HTT: variants seen among roughly 807,000 people sequenced by gnomAD.
HTT encodes the protein huntingtin.
HTT carries 104 observed loss-of-function variants against 362.3 expected under a neutral mutation model. The observed-to-expected ratio is 0.29, with a 90% confidence interval of 0.24 to 0.34. The LOEUF (loss-of-function observed/expected upper bound fraction) is 0.34. HTT is among the 10% of genes least tolerant of loss of function. The pLI is 1.00. For missense variants in HTT, 3,301 were observed against 3,928.6 expected (o/e 0.84, Z 4.27); for synonymous variants, 1,577 against 1,548.7 (o/e 1.02, Z -0.43).
chr4:3,101,002 C>T (rs567628163), intron 3 of HTT, among the ~76,000 whole-genome samples: 2 of 152,250 alleles, frequency 1.3e-5, no homozygotes, highest in East Asian at 3.9e-4. Flanking sequence ...GTGCTGGGAT[C>T]ACAGGTGTGA....
intron 26 of HTT, among the ~76,000 whole-genome samples, chr4:3,149,826 G>T (rs921915223): frequency 6.6e-6 from 1 of 152,158 alleles, no homozygotes; most frequent in African/African-American, 2.4e-5. Flanking sequence ...GGCTCTCTTG[G>T]CCTGGACCCT....
chr4:3,192,191 C>T (rs1312634065), intron 40 of HTT, among the ~76,000 whole-genome samples: 2 of 152,204 alleles, frequency 1.3e-5, no homozygotes, highest in South Asian at 2.1e-4. Flanking sequence ...CTTCCTGCCT[C>T]AGCCTTCTAA....
Position 3,140,603 on chromosome 4 carries a change from T to G in HTT, c.2892T>G (p.Leu964=), listed in dbSNP as rs1367182115. The change falls in exon 22 of 67, where the codon CTT becomes CTG. Residue 964 remains leucine, a synonymous_variant. Coordinates refer to ENST00000355072, the MANE Select transcript of HTT (RefSeq NM_001388492.1). ...ATCAAAGCAGTGTTTACCTGAAACT[T>G]CTCATGCATGAGACGCAGCCTCCAT... is the stretch of plus-strand genomic sequence containing the variant. ...ARDQSSVYLK[L]LMHETQPPSH... The G allele has an allele frequency of 6.2e-7, 1 of 1,614,176 alleles. No homozygotes were observed. Among genetic ancestry groups the G allele is most frequent in the East Asian group, 2.2e-5 (1 of 44,884 alleles).
intron 35 of HTT, among the ~76,000 whole-genome samples, chr4:3,179,735 A>G (rs1372815912): frequency 1.3e-5 from 2 of 148,628 alleles, no homozygotes; most frequent in Non-Finnish European, 3.0e-5. Context: ...CTGAGGGGTC[A>G]GAGTGTGCCT....
intron 26 of HTT, among the ~76,000 whole-genome samples, chr4:3,148,870 T>C (rs762642604): frequency 8.6e-5 from 13 of 151,866 alleles, no homozygotes; most frequent in Middle Eastern, 3.4e-3. Context: ...GGCAAGAGAG[T>C]TGCTTGAACC....
chr4:3,203,784 TG>T (rs1719707042), intron 41 of HTT, among the ~76,000 whole-genome samples: 1 of 152,274 alleles, frequency 6.6e-6, no homozygotes, highest in Non-Finnish European at 1.5e-5. Flanking sequence ...TTTAATTTTC[TG>T]CCTGTTAAAT....
chr4:3,148,010 G>A lies in HTT; in HGVS notation c.3301G>A (p.Ala1101Thr). 1 of 1,611,662 alleles carries A rather than the reference G, an allele frequency of 6.2e-7. No homozygotes were observed. Among genetic ancestry groups the A allele is most frequent in the Non-Finnish European group, 8.5e-7 (1 of 1,178,924 alleles). Residue 1101 changes from alanine to threonine, a missense_variant, in exon 26 of 67, where the codon GCT becomes ACT. By Grantham distance (58) the Ala-to-Thr change is moderately conservative (BLOSUM62 0). This residue lies in a region of HTT where 2,316 missense variants were observed against 2,658.5 expected (regional missense o/e 0.87). Transcript: ENST00000355072. ...TGTCTGTGCCCATATCACAGCCAGT[G>A]CTCCCAAATCTCTGAGAAGTTCATG... ...ILAGNLLAAS[A>T]PKSLRSSWAS... is the part of the protein sequence containing the mutation.
At chr4:3,165,898 A>G (rs1717678986) in intron 29 of HTT, among the ~76,000 whole-genome samples, 1 of 152,030 alleles carries the variant, frequency 6.6e-6, no homozygotes, top group Admixed American at 6.5e-5. Context: ...CGACCTTCTG[A>G]AGCCTACTTC....
intron 24 of HTT, 152 bp from the exon 25 acceptor site, chr4:3,146,645 G>A: frequency 1.5e-6 from 1 of 674,034 alleles, no homozygotes; most frequent in Non-Finnish European, 2.6e-6. Flanking sequence ...CTGATTTATA[G>A]GAAAGATGTT....
At position 3,215,220 on chromosome 4, in the gene HTT, C is replaced by G; in HGVS notation, c.7054+9C>G. ...AGATCCAAACACACAGAGTAAGTCTCAGGACCCATTTTTTTCTTACATGTT... is the reference window on the plus strand; with the variant it reads ...AGATCCAAACACACAGAGTAAGTCTGAGGACCCATTTTTTTCTTACATGTT... On this transcript the variant is annotated intron_variant, in intron 51 of 66. Coordinates refer to ENST00000355072, the MANE Select transcript of HTT (RefSeq NM_001388492.1). 1 of 1,602,094 alleles carries G rather than the reference C, an allele frequency of 6.2e-7. No individual in the cohort carries two copies. The highest frequency in any genetic ancestry group is 1.1e-5 in the South Asian group (1 of 90,540).
chr4:3,208,609 G>A (rs982250923), intron 45 of HTT, among the ~76,000 whole-genome samples, 164 bp from the exon 46 acceptor site: 1 of 151,928 alleles, frequency 6.6e-6, no homozygotes, highest in African/African-American at 2.4e-5. Flanking sequence ...GAAGATAGCT[G>A]TGAAGAAAAA....
At chr4:3,145,300 C>G in intron 24 of HTT, 72 bp downstream of exon 24, 1 of 1,066,438 alleles carries the variant, frequency 9.4e-7, no homozygotes, top group Admixed American at 1.9e-5. Flanking sequence ...ATTAGGATGC[C>G]CTTTTTCTTT....
In HTT at chr4:3,136,318, A is replaced by C; in HGVS notation, c.2790A>C (p.Ser930=). ...DPRVRHVAAA[S]LIRLVPKLFY... is the part of the protein sequence containing the mutation. ...GGGTGCGACATGTTGCCGCAGCATC[A>C]CTAATTAGGTATTTACCAATATTTT... The change falls in exon 21 of 67, where the codon TCA becomes TCC. Residue 930 remains serine, a synonymous_variant. Transcript: ENST00000355072. 1.3e-6 allele frequency: 2 copies of C among 1,566,200 alleles called. No homozygotes were observed. The highest frequency in any genetic ancestry group is 2.7e-5 in the African/African-American group (2 of 74,032).
chr4:3,114,141 G>C (rs185038193), intron 6 of HTT, among the ~76,000 whole-genome samples: 1 of 152,230 alleles, frequency 6.6e-6, no homozygotes, highest in Non-Finnish European at 1.5e-5. Flanking sequence ...CGAATTAAAA[G>C]AAGAGGTTGG....
rs181217572 is a variant in HTT at position 3,207,344 on chromosome 4, G to A, written c.6139G>A (p.Gly2047Arg). 2.4e-4 allele frequency: 385 copies of A among 1,612,726 alleles called. No homozygotes were observed. In the Middle Eastern group the frequency reaches 2.6e-3, roughly 11 times the overall value. Reference protein sequence around the residue: ...NRIQEYLQSSGLAQRHQRLYS... With the variant: ...NRIQEYLQSSRLAQRHQRLYS... ...AATCCAGGAATACCTTCAGAGCAGC[G>A]GGCTCGCTCAGAGGTAATGCTGGAA... The change falls in exon 45 of 67, where the codon GGG becomes AGG. Residue 2047 changes from glycine (G) to arginine (R), a missense_variant. By Grantham distance (125) the Gly-to-Arg change is moderately radical. Coordinates refer to ENST00000355072, the MANE Select transcript of HTT (RefSeq NM_001388492.1).
At chr4:3,085,341 T>C (rs1222536355) in intron 1 of HTT, among the ~76,000 whole-genome samples, 1 of 152,142 alleles carries the variant, frequency 6.6e-6, no homozygotes, top group Non-Finnish European at 1.5e-5. Flanking sequence ...TTCACCATGC[T>C]GGCCAGGCTG....
chr4:3,239,508 C>T (rs974775479), intron 66 of HTT, among the ~76,000 whole-genome samples: 2 of 152,224 alleles, frequency 1.3e-5, no homozygotes, highest in East Asian at 1.9e-4. Context: ...CAGCCTTGCC[C>T]GGCGTGCCTG....
intron 1 of HTT, among the ~76,000 whole-genome samples, chr4:3,083,572 CACACACACACACACAT>C (rs1474336334): frequency 6.7e-4 from 96 of 142,382 alleles, no homozygotes; most frequent in Non-Finnish European, 1.1e-3. Flanking sequence ...CACACACACA[CACACACACACACACAT>C]ATATATGTAT....
At chr4:3,234,694 C>T (rs1016919021) in intron 61 of HTT, among the ~76,000 whole-genome samples, 1 of 152,158 alleles carries the variant, frequency 6.6e-6, no homozygotes, top group Non-Finnish European at 1.5e-5. Flanking sequence ...GGCAGAGGGG[C>T]CGTGTCACGT....
Sources: allele counts gnomAD v4.1 joint callset (sites outside exome capture counted in the v4.1 genomes callset), GRCh38; gene constraint gnomAD v4.1.1; regional missense constraint gnomAD v4.1.1; transcripts MANE v1.5; gene names NCBI Gene and HGNC (gene_info 2026-07-23, HGNC 2026-07-21).